Variants in ARHGAP8 observed in about 807,000 individuals in gnomAD.
ARHGAP8 encodes rho GTPase-activating protein 8.
In ARHGAP8, 62 loss-of-function variants were observed where a neutral mutation model predicts 46.1. That is an observed-to-expected ratio of 1.34 (90% CI 1.10 to 1.66). The LOEUF (loss-of-function observed/expected upper bound fraction) is 1.66. ARHGAP8 is among the 40% of genes most tolerant of loss of function. ARHGAP8 has a pLI of 0.00. For missense variants in ARHGAP8, 923 were observed against 568.4 expected (o/e 1.62, Z -6.34); for synonymous variants, 375 against 243.1 (o/e 1.54, Z -5.05).
At chr22:44,796,865 T>G (rs984556593) in intron 2 of ARHGAP8, among the ~76,000 whole-genome samples, 2 of 152,172 alleles carry the variant, frequency 1.3e-5, no homozygotes, top group East Asian at 3.8e-4. Context: ...ACCCCTAGAT[T>G]TGTAGGCAGC....
chr22:44,862,748 G>A lies in ARHGAP8; in HGVS notation c.*153G>A, dbSNP rs557692064. On this transcript the variant is annotated 3_prime_UTR_variant, in exon 12 of 12. Transcript: ENST00000356099. ...CCATGCCTCTGGTCCTTGGACTCTT[G>A]TCCATGGTTCCTGAGCTGTGGACCG... 6.4e-6 allele frequency: 6 copies of A among 939,428 alleles called. No individual in the cohort carries two copies. The African/African-American group carries it at 6.6e-5, about 10-fold the overall frequency. The allele number at this position is 939,428 out of a possible 1,614,324, so 58.2% of individuals were successfully genotyped here.
intron 1 of ARHGAP8, among the ~76,000 whole-genome samples, chr22:44,771,882 A>C (rs1483438809): frequency 6.6e-6 from 1 of 152,090 alleles, no homozygotes; most frequent in African/African-American, 2.4e-5. Flanking sequence ...TGCTCTTTCC[A>C]ATCTTTATGC....
intron 1 of ARHGAP8, among the ~76,000 whole-genome samples, chr22:44,755,906 C>T (rs1275341568): frequency 1.3e-5 from 2 of 152,112 alleles, no homozygotes; most frequent in Admixed American, 1.3e-4. Context: ...TTGGTTTCCT[C>T]GTCTGCAAAA....
chr22:44,848,400 C>G (rs570256743), intron 9 of ARHGAP8, among the ~76,000 whole-genome samples: 3 of 152,224 alleles, frequency 2.0e-5, no homozygotes, highest in Admixed American at 2.0e-4. Context: ...TGGCTCAGCA[C>G]GGCTTCCTTA....
intron 7 of ARHGAP8, among the ~76,000 whole-genome samples, chr22:44,838,690 T>A (rs910553466): frequency 6.6e-6 from 1 of 152,114 alleles, no homozygotes; most frequent in African/African-American, 2.4e-5. Context: ...TCAGTGGGTC[T>A]CCCTCCCCGG....
intron 5 of ARHGAP8, among the ~76,000 whole-genome samples, chr22:44,817,887 G>A (rs1371401709): frequency 6.6e-6 from 1 of 152,138 alleles, no homozygotes; most frequent in Non-Finnish European, 1.5e-5. Context: ...GGCCAAGGCA[G>A]GTGGATCACT....
intron 7 of ARHGAP8, among the ~76,000 whole-genome samples, chr22:44,832,137 G>A (rs1002695087): frequency 7.5e-5 from 11 of 146,980 alleles, no homozygotes; most frequent in African/African-American, 2.0e-4. Context: ...TTTTTCAGTG[G>A]TATTTTATGG....
intron 7 of ARHGAP8, among the ~76,000 whole-genome samples, chr22:44,826,965 G>A (rs1019435091): frequency 3.9e-5 from 6 of 152,184 alleles, no homozygotes; most frequent in African/African-American, 7.2e-5. Flanking sequence ...GGCCCCCGAC[G>A]AAGTCCATGC....
intron 7 of ARHGAP8, among the ~76,000 whole-genome samples, chr22:44,829,310 GA>G (rs1035798095): frequency 6.7e-6 from 1 of 148,450 alleles, no homozygotes; most frequent in Non-Finnish European, 1.5e-5. Flanking sequence ...AAAAAAAAAA[GA>G]AAAAGAAAAA....
At chr22:44,807,536 T>C (rs777933915) in intron 3 of ARHGAP8, among the ~76,000 whole-genome samples, 10 of 152,080 alleles carry the variant, frequency 6.6e-5, no homozygotes, top group Non-Finnish European at 1.0e-4. Flanking sequence ...GTGTCTGAGG[T>C]AGAAGGGCCT....
intron 11 of ARHGAP8, among the ~76,000 whole-genome samples, chr22:44,860,299 C>T (rs3830108): frequency 6.6e-6 from 1 of 151,996 alleles, no homozygotes; most frequent in South Asian, 2.1e-4. Flanking sequence ...TGTCACTCTT[C>T]TAGAGGCTAG....
chr22:44,801,983 G>A, intron 2 of ARHGAP8, 94 bp from the exon 3 acceptor site: 1 of 1,490,614 alleles, frequency 6.7e-7, no homozygotes. Context: ...TCCCAGCTCG[G>A]GCTGGACTGG....
intron 9 of ARHGAP8, among the ~76,000 whole-genome samples, chr22:44,848,624 C>G (rs1235015711): frequency 1.3e-5 from 2 of 152,226 alleles, no homozygotes; most frequent in African/African-American, 4.8e-5. Flanking sequence ...GCGGTGTCAT[C>G]TCTGCCACAG....
chr22:44,767,975 G>C (rs915519354), intron 1 of ARHGAP8, among the ~76,000 whole-genome samples: 1 of 118,516 alleles, frequency 8.4e-6, no homozygotes, highest in Admixed American at 9.5e-5. Flanking sequence ...TTTCCTCCCC[G>C]CATGATGTCT....
At chr22:44,779,231 C>A (rs9614925) in intron 1 of ARHGAP8, among the ~76,000 whole-genome samples, 12,191 of 151,570 alleles carry the variant, frequency 0.08, 527 homozygotes, top group Middle Eastern at 0.11. Context: ...TCCCTAGTAG[C>A]TGGGATTACA....
intron 1 of ARHGAP8, among the ~76,000 whole-genome samples, chr22:44,773,423 T>C (rs1910873817): frequency 1.3e-5 from 2 of 152,228 alleles, no homozygotes; most frequent in African/African-American, 4.8e-5. Context: ...CATGCATTTA[T>C]ATAGTAATAA....
chr22:44,779,097 C>CTTCTT (rs1555910217), intron 1 of ARHGAP8, among the ~76,000 whole-genome samples: 2 of 26,104 alleles, frequency 7.7e-5, no homozygotes, highest in African/African-American at 1.5e-4. Flanking sequence ...TGGTCTCTGA[C>CTTCTT]TTTTTTTTTT....
rs767658837 is a variant in ARHGAP8, at chr22:44,847,995, C to G, written c.693C>G (p.Phe231Leu). 2 of 1,608,116 alleles carry G rather than the reference C, an allele frequency of 1.2e-6. No individual in the cohort carries two copies. The highest frequency in any genetic ancestry group is 1.7e-6 in the Non-Finnish European group (2 of 1,179,904). The change falls in exon 9 of 12, where the codon TTC becomes TTG. Residue 231 changes from phenylalanine to leucine, a missense_variant. Transcript: ENST00000356099. ...CAGGCCTGCGCACCGAGGGCCTGTT[C>G]CGGAGATCCGCCAGCGTGCAGACCG... ...REKGLRTEGL[F>L]RRSASVQTVR...
In ARHGAP8 at chr22:44,845,383, C is replaced by G. The variant is rs1220404089; in HGVS notation, c.670+41C>G. On this transcript the variant is annotated intron_variant, in intron 8 of 11. Transcript: ENST00000356099. ...CTCCAGCTGGATGACGTGAGGGCTG[C>G]TGGGTGCACCTCTCTGGGTGGTTTG... 5 of 1,612,642 alleles carry G rather than the reference C, an allele frequency of 3.1e-6. No individual in the cohort carries two copies. The South Asian group carries it at 5.5e-5, about 18-fold the overall frequency.
Sources: allele counts gnomAD v4.1 joint callset (sites outside exome capture counted in the v4.1 genomes callset), GRCh38; gene constraint gnomAD v4.1.1; transcripts MANE v1.5; gene names NCBI Gene and HGNC (gene_info 2026-07-23, HGNC 2026-07-21).